Variants in PARD3B observed in about 807,000 individuals in gnomAD.
PARD3B encodes partitioning defective 3 homolog B.
Under a neutral mutation model 130.2 loss-of-function variants are expected in PARD3B, and 103 were observed. The ratio of observed to expected loss-of-function variants is 0.79; its 90% CI spans 0.67 to 0.93. The LOEUF (loss-of-function observed/expected upper bound fraction) is 0.93. Among genes scored for constraint, PARD3B ranks in the 40% least tolerant of loss-of-function variants. The pLI is 0.00. For missense variants in PARD3B, 1,609 were observed against 1,499.2 expected, an observed-to-expected ratio of 1.07 and a Z score of -1.21; for synonymous variants, 583 against 553.2, an observed-to-expected ratio of 1.05 and a Z score of -0.76.
intron 2 of PARD3B, among the ~76,000 whole-genome samples, chr2:204,788,598 A>G (rs1201879182): frequency 6.6e-6 from 1 of 152,216 alleles, no homozygotes; most frequent in Non-Finnish European, 1.5e-5. Flanking sequence ...TTTAAGATAG[A>G]AAAATGTGTG....
rs1184729674 is a variant in PARD3B at position 205,558,112 on chromosome 2, A to C, written c.3260+4709A>C. 6.6e-6 allele frequency among the ~76,000 whole-genome samples: 1 copy of C among 152,202 alleles called. No homozygotes were observed. Among genetic ancestry groups the C allele is most frequent in the African/African-American group, 2.4e-5 (1 of 41,456 alleles). On this transcript the variant is annotated intron_variant, in intron 22 of 22. Transcript: ENST00000406610. This position sits in a 1 kb window ranked among gnomAD's most constrained non-coding sequence, Gnocchi z 4.8. ...TGTGATCTGAGTGATAAGCTGAGCT[A>C]ATGGACATGATAGTAGACAGCAGTG...
At chr2:205,526,526 T>C (rs902353997) in intron 21 of PARD3B, among the ~76,000 whole-genome samples, 3 of 152,184 alleles carry the variant, frequency 2.0e-5, no homozygotes, top group Non-Finnish European at 2.9e-5. Flanking sequence ...TCTAACTTGA[T>C]AGCAAGCTCA....
intron 21 of PARD3B, among the ~76,000 whole-genome samples, chr2:205,545,140 A>G (rs1194102728): frequency 5.3e-5 from 8 of 152,224 alleles, no homozygotes; most frequent in African/African-American, 1.9e-4. Context: ...ATATTTGTAA[A>G]TACGTAGCTC....
In PARD3B at chr2:204,680,466, G is replaced by A. The variant is rs577187418; in HGVS notation, c.121-5715G>A. On this transcript the variant is annotated intron_variant, in intron 1 of 22. Coordinates refer to ENST00000406610, the MANE Select transcript of PARD3B (RefSeq NM_001302769.2). ...TATTTTATTTTTCTTGATTGGTTCT[G>A]CTATGAATTTACTAGTTTTGTCAAG... Among the ~76,000 whole-genome samples the A allele has an allele frequency of 1.3e-3, 196 of 152,008 alleles. 2 individuals carry two copies. The highest frequency in any genetic ancestry group is 4.6e-3 in the African/African-American group (192 of 41,512).
intron 15 of PARD3B, among the ~76,000 whole-genome samples, chr2:205,235,435 A>T (rs1257320840): frequency 6.6e-6 from 1 of 152,116 alleles, no homozygotes; most frequent in Non-Finnish European, 1.5e-5. Context: ...AAGAAAACAG[A>T]AAAAGTAGAG....
At chr2:205,486,828 G>A (rs971890783) in intron 20 of PARD3B, among the ~76,000 whole-genome samples, 2 of 152,104 alleles carry the variant, frequency 1.3e-5, no homozygotes, top group Non-Finnish European at 2.9e-5. Flanking sequence ...TGAGATTTGA[G>A]TGGGGACACA....
intron 2 of PARD3B, among the ~76,000 whole-genome samples, chr2:204,785,947 T>C (rs1013469480): frequency 6.6e-6 from 1 of 151,706 alleles, no homozygotes; most frequent in Non-Finnish European, 1.5e-5. Context: ...CCCCCATCTC[T>C]ACTAAAAATA....
chr2:204,833,033 A>G (rs1335973492), intron 2 of PARD3B, among the ~76,000 whole-genome samples: 1 of 152,188 alleles, frequency 6.6e-6, no homozygotes, highest in African/African-American at 2.4e-5. Context: ...AAACATACAG[A>G]AGAAAATTTA....
intron 2 of PARD3B, among the ~76,000 whole-genome samples, chr2:204,695,931 A>T (rs1190876110): frequency 6.6e-6 from 1 of 152,020 alleles, no homozygotes; most frequent in Non-Finnish European, 1.5e-5. Context: ...TAATAAGTGA[A>T]TGTGGGTGGT....
intron 2 of PARD3B, among the ~76,000 whole-genome samples, chr2:204,794,051 G>A (rs1008692180): frequency 3.9e-5 from 6 of 152,120 alleles, no homozygotes; most frequent in African/African-American, 1.4e-4. Context: ...TATTTGATGC[G>A]AGGGGAGATT....
In PARD3B at chr2:205,176,421, G is replaced by A. The variant is rs775499242; in HGVS notation, c.1792-24G>A. 1.3e-6 allele frequency: 2 copies of A among 1,577,866 alleles called. No homozygotes were observed. Among genetic ancestry groups the A allele is most frequent in the Non-Finnish European group, 1.7e-6 (2 of 1,165,684 alleles). On this transcript the variant is annotated intron_variant, in intron 12 of 22. Coordinates refer to ENST00000406610, the MANE Select transcript of PARD3B (RefSeq NM_001302769.2). This position sits in a 1 kb window ranked among gnomAD's most constrained non-coding sequence, Gnocchi z 5.3. Reference sequence around the variant, plus strand: ...GTTGGAACATATTAAAAATGCAAATGTAATTTTTACTTTTATCTCTTAGGA... The same window carrying A: ...GTTGGAACATATTAAAAATGCAAATATAATTTTTACTTTTATCTCTTAGGA...
intron 15 of PARD3B, among the ~76,000 whole-genome samples, chr2:205,225,070 G>T (rs1026377236): frequency 1.3e-5 from 2 of 152,120 alleles, no homozygotes; most frequent in Non-Finnish European, 2.9e-5. Flanking sequence ...ATAAACATGG[G>T]AGTGAAGATA....
chr2:204,801,796 G>C (rs2042579722), intron 2 of PARD3B, among the ~76,000 whole-genome samples: 1 of 152,178 alleles, frequency 6.6e-6, no homozygotes. Context: ...TTTTCAAAGG[G>C]AATGCTTCCA....
chr2:205,057,735 G>A (rs541592383), intron 4 of PARD3B, among the ~76,000 whole-genome samples: 1 of 149,770 alleles, frequency 6.7e-6, no homozygotes, highest in African/African-American at 2.4e-5. Context: ...ACATATATGT[G>A]TATGTGTATA....
chr2:205,585,522 G>A lies in PARD3B; in HGVS notation c.3261-29934G>A, dbSNP rs1341701296. Among the ~76,000 whole-genome samples the A allele has an allele frequency of 6.6e-6, 1 of 152,176 alleles. No homozygotes were observed. The highest frequency in any genetic ancestry group is 1.5e-5 in the Non-Finnish European group (1 of 68,026). The stretch of plus-strand genomic sequence containing the variant: ...GCAGGCATTTATTTAAATGGGATCA[G>A]TTAGGGAGGGAGCAGGCCAGCTGTG... On this transcript the variant is annotated intron_variant, in intron 22 of 22. Transcript: ENST00000406610. The surrounding 1 kb of genome is among the most constrained non-coding windows in gnomAD (Gnocchi z 5.4).
intron 4 of PARD3B, among the ~76,000 whole-genome samples, chr2:205,076,257 A>G (rs950248773): frequency 9.9e-5 from 15 of 152,176 alleles, no homozygotes; most frequent in African/African-American, 3.1e-4. Flanking sequence ...AAGTCAGTCA[A>G]AAGTATTGGT....
At chr2:205,093,269 CT>C (rs1213775919) in intron 4 of PARD3B, among the ~76,000 whole-genome samples, 1 of 152,094 alleles carries the variant, frequency 6.6e-6, no homozygotes, top group African/African-American at 2.4e-5. Flanking sequence ...CAGTAAACCC[CT>C]TGCAAGTAGA....
intron 20 of PARD3B, among the ~76,000 whole-genome samples, chr2:205,448,120 A>T (rs2047971852): frequency 6.6e-6 from 1 of 152,244 alleles, no homozygotes; most frequent in South Asian, 2.1e-4. Context: ...TCTTCGGCAT[A>T]AACTCCCCCA....
chr2:204,550,105 G>T (rs987749350), intron 1 of PARD3B, among the ~76,000 whole-genome samples: 7 of 152,152 alleles, frequency 4.6e-5, no homozygotes, highest in African/African-American at 1.7e-4. Context: ...ATCCATAGGG[G>T]ATTGATTCCA....
Sources: allele counts gnomAD v4.1 joint callset (sites outside exome capture counted in the v4.1 genomes callset), GRCh38; gene constraint gnomAD v4.1.1; non-coding constraint Gnocchi (gnomAD v3.1); transcripts MANE v1.5; gene names NCBI Gene and HGNC (gene_info 2026-07-23, HGNC 2026-07-21).